The following DPF3 variants were observed in gnomAD, a reference collection of about 807,000 sequenced individuals.
DPF3 encodes the protein double PHD fingers 3, also known as zinc finger protein DPF3.
In DPF3, 18 loss-of-function variants were observed where a neutral mutation model predicts 56.8. The ratio of observed to expected loss-of-function variants is 0.32; its 90% CI spans 0.22 to 0.47. The LOEUF is 0.47. DPF3 is among the 20% of genes least tolerant of loss of function. The pLI is 1.00. For missense variants in DPF3, 403 were observed against 488.8 expected (o/e 0.82, Z 1.65); for synonymous variants, 188 against 180.2 (o/e 1.04, Z -0.35).
chr14:72,827,743 G>A (rs2140046186), intron 1 of DPF3, among the ~76,000 whole-genome samples: 1 of 152,022 alleles, frequency 6.6e-6, no homozygotes, highest in East Asian at 1.9e-4. Flanking sequence ...GCCTCCCAAA[G>A]TGCTGGGATT....
intron 6 of DPF3, among the ~76,000 whole-genome samples, chr14:72,711,681 C>G (rs771538184): frequency 6.6e-6 from 1 of 152,036 alleles, no homozygotes; most frequent in Middle Eastern, 3.2e-3. Flanking sequence ...GTCTCCCAGA[C>G]GGACAAAGCC....
At chr14:72,699,226 T>C (rs1399967458) in intron 6 of DPF3, among the ~76,000 whole-genome samples, 2 of 151,982 alleles carry the variant, frequency 1.3e-5, no homozygotes, top group East Asian at 3.9e-4. Flanking sequence ...TTTTAAAAAT[T>C]TGTTTAGAAA....
At chr14:72,676,073 T>G (rs1179086485) in intron 7 of DPF3, among the ~76,000 whole-genome samples, 3 of 152,160 alleles carry the variant, frequency 2.0e-5, no homozygotes, top group Non-Finnish European at 4.4e-5. Context: ...TCCAAGCATC[T>G]CTATGAAGCA....
intron 1 of DPF3, among the ~76,000 whole-genome samples, chr14:72,861,733 GAA>G (rs1885418382): frequency 1.5e-5 from 1 of 68,312 alleles, no homozygotes; most frequent in South Asian, 4.7e-4. Flanking sequence ...GAGAAAGAAA[GAA>G]AGAGAAAGAA....
chr14:72,753,203 C>T (rs1258068927), intron 3 of DPF3, 61 bp downstream of exon 3: 1 of 1,525,442 alleles, frequency 6.6e-7, no homozygotes, highest in East Asian at 2.3e-5. Context: ...TTGTCCTGGG[C>T]CCAGCCCAGT....
intron 6 of DPF3, among the ~76,000 whole-genome samples, chr14:72,703,604 G>A (rs368096613): frequency 2.0e-5 from 3 of 152,290 alleles, no homozygotes; most frequent in East Asian, 1.9e-4. Flanking sequence ...AGGTGAACTC[G>A]GGAGTCTGCC....
chr14:72,825,452 C>T (rs575873474), intron 1 of DPF3, among the ~76,000 whole-genome samples: 7 of 152,288 alleles, frequency 4.6e-5, no homozygotes, highest in Admixed American at 2.0e-4. Flanking sequence ...GGCTCACACT[C>T]TCTCACAGAG....
At chr14:72,788,982 T>C (rs938411352) in intron 1 of DPF3, among the ~76,000 whole-genome samples, 1 of 152,178 alleles carries the variant, frequency 6.6e-6, no homozygotes, top group Non-Finnish European at 1.5e-5. Context: ...AGTCTTCACA[T>C]CCCTCCTCAA....
At chr14:72,647,316 G>A (rs531679983) in intron 8 of DPF3, among the ~76,000 whole-genome samples, 4 of 152,252 alleles carry the variant, frequency 2.6e-5, no homozygotes, top group African/African-American at 2.4e-5. Context: ...CGACATACCC[G>A]TAAGTGTTTC....
chr14:72,762,057 A>C (rs948589635), intron 2 of DPF3, among the ~76,000 whole-genome samples: 28 of 152,010 alleles, frequency 1.8e-4, no homozygotes, highest in African/African-American at 6.3e-4. Flanking sequence ...ATAATTAAAA[A>C]CATTACCTCA....
intron 8 of DPF3, chr14:72,670,210 T>A (rs1227997438): frequency 3.0e-6 from 3 of 985,876 alleles, no homozygotes; most frequent in African/African-American, 3.5e-5. Flanking sequence ...TCTCCTTCTA[T>A]CTTCCAGAAG....
Position 72,612,430 on chromosome 14 carries a change from C to CTTTT in DPF3, c.*6863_*6866dup. ...TCACATATCAGGCAGTGTTTCTGTC[C>CTTTT]TTTTTTTTTTTCTAGTACCTAATTT... On this transcript the variant is annotated 3_prime_UTR_variant, in exon 11 of 11. Transcript: ENST00000556509. 1 of 419,670 alleles carries CTTTT rather than the reference C, an allele frequency of 2.4e-6. No individual in the cohort carries two copies. Among genetic ancestry groups the CTTTT allele is most frequent in the Non-Finnish European group, 4.8e-6 (1 of 207,908 alleles). The allele number at this position is 419,670 out of a possible 1,614,324, so 26.0% of individuals were successfully genotyped here. A position where few individuals can be genotyped will look rare whatever the true frequency, so the allele number is the denominator to read the frequency against.
chr14:72,786,297 G>A (rs1327972616), intron 1 of DPF3, among the ~76,000 whole-genome samples: 1 of 152,008 alleles, frequency 6.6e-6, no homozygotes, highest in Non-Finnish European at 1.5e-5. Context: ...AATAACCACA[G>A]AGGTGAGGTG....
chr14:72,723,577 G>A (rs1234723045), intron 5 of DPF3, 56 bp downstream of exon 5: 3 of 1,432,350 alleles, frequency 2.1e-6, no homozygotes, highest in Non-Finnish European at 2.8e-6. Flanking sequence ...TCAATCGTTG[G>A]CCGGGCACCC....
At chr14:72,864,336 C>T (rs575124675) in intron 1 of DPF3, among the ~76,000 whole-genome samples, 4 of 152,354 alleles carry the variant, frequency 2.6e-5, no homozygotes, top group South Asian at 4.1e-4. Context: ...CCCACACATA[C>T]GTGTCCCTAC....
chr14:72,867,713 C>G (rs1323506182), intron 1 of DPF3, among the ~76,000 whole-genome samples: 2 of 152,142 alleles, frequency 1.3e-5, no homozygotes, highest in Non-Finnish European at 2.9e-5. Context: ...GTTGTATAAG[C>G]TTGATATCTT....
In DPF3 at chr14:72,629,570, A is replaced by G. The variant is rs1354736805; in HGVS notation, c.984+54T>C. ...GTCCTTCCTTCCTCTTCACCCCTCA[A>G]AGGACCCCAGCTCTGTGGATTTCTC... On this transcript the variant is annotated intron_variant, in intron 9 of 10. Transcript: ENST00000556509. The G allele has an allele frequency of 6.1e-6, 9 of 1,486,380 alleles. No homozygotes were observed. In the East Asian group the frequency reaches 2.0e-4, roughly 33 times the overall value. The allele number at this position is 1,486,380 out of a possible 1,614,324, so 92.1% of individuals were successfully genotyped here. A position where few individuals can be genotyped will look rare whatever the true frequency, so the allele number is the denominator to read the frequency against.
chr14:72,719,069 CT>C (rs71448401), intron 5 of DPF3, among the ~76,000 whole-genome samples: 3,800 of 100,642 alleles, frequency 0.038, 156 homozygotes, highest in African/African-American at 0.13. Context: ...CGTGCCAGGC[CT>C]TTTTTTTTTT....
intron 3 of DPF3, among the ~76,000 whole-genome samples, chr14:72,746,061 C>T (rs181075808): frequency 3.3e-5 from 5 of 152,314 alleles, no homozygotes; most frequent in Admixed American, 2.6e-4. Flanking sequence ...TACTAACCCA[C>T]CAGAAAGGGC....
Sources: allele counts gnomAD v4.1 joint callset (sites outside exome capture counted in the v4.1 genomes callset), GRCh38; gene constraint gnomAD v4.1.1; transcripts MANE v1.5; gene names NCBI Gene and HGNC (gene_info 2026-07-23, HGNC 2026-07-21).